The following ANO2 variants were observed in gnomAD, a reference collection of about 807,000 sequenced individuals.
ANO2 encodes anoctamin-2.
ANO2 carries 101 observed loss-of-function variants against 124.2 expected under a neutral mutation model. The observed-to-expected ratio is 0.81, with a 90% CI of 0.69 to 0.96. The LOEUF (loss-of-function observed/expected upper bound fraction) is 0.96. Ranked by LOEUF, ANO2 falls within the 40% of genes least tolerant of loss-of-function variation. The pLI is 0.00. For missense variants in ANO2, 1,293 were observed against 1,274.5 expected, an observed-to-expected ratio of 1.01 and a Z score of -0.22; for synonymous variants, 486 against 482.5, an observed-to-expected ratio of 1.01 and a Z score of -0.09.
chr12:5,657,005 T>C (rs574898437), intron 14 of ANO2, among the ~76,000 whole-genome samples: 1 of 152,268 alleles, frequency 6.6e-6, no homozygotes, highest in East Asian at 1.9e-4. Context: ...CAAATGCCTG[T>C]GGTCAGAGAC....
intron 14 of ANO2, among the ~76,000 whole-genome samples, chr12:5,690,525 C>G (rs1317737898): frequency 2.0e-5 from 3 of 152,186 alleles, no homozygotes; most frequent in Admixed American, 6.5e-5. Context: ...CTCCTTTGCT[C>G]TGGGCCTGGG....
chr12:5,898,488 C>T (rs935751970), intron 3 of ANO2, among the ~76,000 whole-genome samples: 3 of 152,192 alleles, frequency 2.0e-5, no homozygotes, highest in Non-Finnish European at 2.9e-5. Flanking sequence ...ACAACCCTAA[C>T]GTCCATCAAC....
In ANO2 at chr12:5,921,345, C is replaced by T. The variant is rs775257788; in HGVS notation, c.229G>A (p.Ala77Thr). 3 of 1,613,696 alleles carry T rather than the reference C, an allele frequency of 1.9e-6. No individual in the cohort carries two copies. The highest frequency in any genetic ancestry group is 2.5e-6 in the Non-Finnish European group (3 of 1,179,812). ...SSSVINNYLDANEPVSLEARL... is the reference protein window; with the variant it reads ...SSSVINNYLDTNEPVSLEARL... ...GCCTCCAAGGACACAGGCTCATTGG[C>T]ATCCAGATAGTTGTTGATGACCTGG... Residue 77 changes from alanine to threonine, a missense_variant, in exon 3 of 25, where the codon GCC becomes ACC. Physicochemically the swap from Ala to Thr is moderately conservative, Grantham distance 58. Coordinates refer to ENST00000682330, the MANE Select transcript of ANO2 (RefSeq NM_001364791.2).
At chr12:5,847,995 C>A (rs1954738334) in intron 4 of ANO2, among the ~76,000 whole-genome samples, 1 of 152,190 alleles carries the variant, frequency 6.6e-6, no homozygotes, top group Non-Finnish European at 1.5e-5. Context: ...TATCTTTGAA[C>A]CCAGTTAGCC....
At chr12:5,914,612 G>A (rs1941273176) in intron 3 of ANO2, among the ~76,000 whole-genome samples, 1 of 152,154 alleles carries the variant, frequency 6.6e-6, no homozygotes, top group Non-Finnish European at 1.5e-5. Flanking sequence ...GCCAACTTCT[G>A]CTATCAGTTC....
intron 3 of ANO2, among the ~76,000 whole-genome samples, chr12:5,893,776 T>C (rs748010668): frequency 6.6e-6 from 1 of 152,194 alleles, no homozygotes; most frequent in Non-Finnish European, 1.5e-5. Context: ...TTGCTGAGAA[T>C]GATGGTTTCA....
At chr12:5,808,949 G>A (rs760181077) in intron 7 of ANO2, among the ~76,000 whole-genome samples, 14 of 152,268 alleles carry the variant, frequency 9.2e-5, no homozygotes, top group Middle Eastern at 3.4e-3. Flanking sequence ...AGAGGCCCGC[G>A]GCAGGCTGCC....
At chr12:5,806,909 C>A (rs1471969232) in intron 8 of ANO2, among the ~76,000 whole-genome samples, 1 of 152,212 alleles carries the variant, frequency 6.6e-6, no homozygotes, top group Non-Finnish European at 1.5e-5. Flanking sequence ...GCTAAGGAGA[C>A]GTCTGACAGT....
rs1944744159 is a variant in ANO2 at position 5,615,263 on chromosome 12, G to A, written c.1851C>T (p.Arg617=). The A allele has an allele frequency of 1.9e-6, 3 of 1,613,528 alleles. No individual in the cohort carries two copies. Among genetic ancestry groups the A allele is most frequent in the African/African-American group, 2.7e-5 (2 of 74,912 alleles). Residue 617 remains arginine (R), a synonymous_variant, in exon 17 of 25, where the codon CGC becomes CGT. Coordinates refer to ENST00000682330, the MANE Select transcript of ANO2 (RefSeq NM_001364791.2). ...VPKTEQTFEE[R]LILKAFLLKF... ...TGAGCAAGAAAGCTTTGAGGATCAG[G>A]CGCTCTTCAAAAGTCTGTTCTGTTT... is the stretch of plus-strand genomic sequence containing the variant.
intron 20 of ANO2, among the ~76,000 whole-genome samples, chr12:5,579,084 T>C (rs1400504109): frequency 1.3e-5 from 2 of 152,240 alleles, no homozygotes; most frequent in Non-Finnish European, 2.9e-5. Context: ...ACCTCCCAGA[T>C]TTGGACTCTT....
intron 3 of ANO2, among the ~76,000 whole-genome samples, chr12:5,876,994 A>G (rs1475814083): frequency 6.6e-6 from 1 of 152,202 alleles, no homozygotes; most frequent in Non-Finnish European, 1.5e-5. Context: ...AAAGACAGTA[A>G]ATAAACATTC....
At chr12:5,820,004 C>T (rs1953732841) in intron 7 of ANO2, among the ~76,000 whole-genome samples, 2 of 152,284 alleles carry the variant, frequency 1.3e-5, no homozygotes, top group Non-Finnish European at 2.9e-5. Flanking sequence ...AGGAAGCCTA[C>T]TGCATTCCTA....
chr12:5,813,071 A>AGG (rs1953485984), intron 7 of ANO2, among the ~76,000 whole-genome samples: 2 of 94,390 alleles, frequency 2.1e-5, no homozygotes, highest in African/African-American at 4.0e-5. Context: ...AAGGAAGACG[A>AGG]AAGAGGAAGG....
At chr12:5,654,963 T>G (rs1947084929) in intron 14 of ANO2, among the ~76,000 whole-genome samples, 2 of 152,216 alleles carry the variant, frequency 1.3e-5, no homozygotes, top group South Asian at 4.1e-4. Flanking sequence ...CATGGATTGA[T>G]GTCACTATGC....
intron 1 of ANO2, among the ~76,000 whole-genome samples, chr12:5,932,324 A>G (rs71234636): frequency 0.02 from 1,779 of 87,112 alleles, 1 homozygote; most frequent in East Asian, 0.047. Flanking sequence ...AGGAAAGAAG[A>G]TAGACTAGTA....
chr12:5,946,178 T>C (rs773647978), upstream of ANO2: 5 of 1,613,684 alleles, frequency 3.1e-6, no homozygotes, highest in African/African-American at 6.7e-5. The surrounding 1 kb of genome is among the most constrained non-coding windows in gnomAD (Gnocchi z 4.1). Flanking sequence ...TTCTCTCCTA[T>C]ATTGATAAGG....
At chr12:5,830,640 C>G (rs1477459213) in intron 5 of ANO2, among the ~76,000 whole-genome samples, 151 bp from the exon 6 acceptor site, 1 of 152,086 alleles carries the variant, frequency 6.6e-6, no homozygotes, top group African/African-American at 2.4e-5. Context: ...CTTCTTGACT[C>G]AGTAATTCTA....
At chr12:5,920,234 T>C (rs913235325) in intron 3 of ANO2, among the ~76,000 whole-genome samples, 7 of 152,176 alleles carry the variant, frequency 4.6e-5, no homozygotes, top group African/African-American at 1.7e-4. Flanking sequence ...GTCCTATGTA[T>C]GTCCCAACTC....
At chr12:5,618,039 C>G (rs981134883) in intron 16 of ANO2, among the ~76,000 whole-genome samples, 2 of 152,154 alleles carry the variant, frequency 1.3e-5, no homozygotes, top group Non-Finnish European at 2.9e-5. Context: ...AAAGTGGAAA[C>G]CTAAGATAAA....
Sources: gnomAD v4.1 joint callset for allele counts (sites outside exome capture counted in the v4.1 genomes callset) on GRCh38, gnomAD v4.1.1 for gene constraint, Gnocchi (gnomAD v3.1) non-coding constraint, MANE v1.5 for transcripts, NCBI Gene and HGNC (gene_info 2026-07-23, HGNC 2026-07-21) for gene names.